TNR: variants seen among roughly 807,000 people sequenced by gnomAD.
TNR encodes the protein tenascin R.
In TNR, 45 loss-of-function variants were observed where a neutral mutation model predicts 150.4. The ratio of observed to expected loss-of-function variants is 0.30; its 90% CI spans 0.24 to 0.38. The LOEUF is 0.38. Ranked by LOEUF, TNR falls within the 10% of genes least tolerant of loss-of-function variation. The pLI, the probability that TNR is intolerant of heterozygous loss-of-function variation, is 1.00. For synonymous variants in TNR, 687 were observed against 678.4 expected (o/e 1.01, Z -0.20); for missense variants, 1,544 against 1,759.1 (o/e 0.88, Z 2.19).
At chr1:175,729,686 T>G (rs973408355) in intron 1 of TNR, among the ~76,000 whole-genome samples, 6 of 152,174 alleles carry the variant, frequency 3.9e-5, no homozygotes, top group African/African-American at 1.4e-4. Flanking sequence ...AATCTCTATA[T>G]TACCAATTTG....
At chr1:175,724,370 A>G (rs750227613) in intron 1 of TNR, among the ~76,000 whole-genome samples, 7 of 152,176 alleles carry the variant, frequency 4.6e-5, no homozygotes, top group Admixed American at 6.5e-5. Context: ...GGTGCTACAT[A>G]CTTCTAAACA....
At chr1:175,571,258 TTCTC>T (rs1315699804) in intron 1 of TNR, among the ~76,000 whole-genome samples, 1 of 152,150 alleles carries the variant, frequency 6.6e-6, no homozygotes, top group Non-Finnish European at 1.5e-5. Flanking sequence ...CTCCTTCTCT[TTCTC>T]TCTCTTTTAG....
At chr1:175,391,554 C>T (rs859444) in intron 6 of TNR, 116 bp from the exon 7 acceptor site, 750,595 of 1,157,920 alleles carry the variant, frequency 0.65, 246,169 homozygotes, top group East Asian at 0.83. Flanking sequence ...AAAATGGGGG[C>T]GATGTCTCTT....
chr1:175,406,296 C>G lies in TNR; in HGVS notation c.419G>C (p.Arg140Pro). 1.2e-6 allele frequency: 2 copies of G among 1,614,150 alleles called. No individual in the cohort carries two copies. The highest frequency in any genetic ancestry group is 1.7e-6 in the Non-Finnish European group (2 of 1,180,018). ...SAQVLQELLSRIEMLEREVSV... is the reference protein window; with the variant it reads ...SAQVLQELLSPIEMLEREVSV... ...CACCTCCCTCTCCAGCATCTCGATCCGGCTCAGCAGCTCCTGCAGCACCTG... is the reference window on the plus strand; with the variant it reads ...CACCTCCCTCTCCAGCATCTCGATCGGGCTCAGCAGCTCCTGCAGCACCTG... Residue 140 changes from arginine (R) to proline (P), a missense_variant, in exon 3 of 23, where the codon CGG (arginine) becomes CCG (proline). Transcript: ENST00000367674.
chr1:175,464,414 C>T (rs1196444216), intron 2 of TNR, among the ~76,000 whole-genome samples: 1 of 152,174 alleles, frequency 6.6e-6, no homozygotes, highest in East Asian at 1.9e-4. Context: ...CTATAAGACA[C>T]TGCCAGCTCC....
At chr1:175,614,162 A>G (rs1663690336) in intron 1 of TNR, among the ~76,000 whole-genome samples, 1 of 152,212 alleles carries the variant, frequency 6.6e-6, no homozygotes, top group African/African-American at 2.4e-5. Context: ...TTTTCTTATT[A>G]AAGAACTGAG....
At chr1:175,638,703 A>G (rs766872541) in intron 1 of TNR, among the ~76,000 whole-genome samples, 16 of 152,174 alleles carry the variant, frequency 1.1e-4, no homozygotes, top group Admixed American at 2.0e-4. Context: ...GATCCCTCCC[A>G]TGATGATTGG....
intron 1 of TNR, among the ~76,000 whole-genome samples, chr1:175,672,014 A>G (rs1461860257): frequency 6.6e-5 from 10 of 151,856 alleles, no homozygotes; most frequent in Non-Finnish European, 1.5e-4. Context: ...TCAACACACT[A>G]GTTGGCTCAT....
chr1:175,374,651 T>C (rs1178836278), intron 9 of TNR, among the ~76,000 whole-genome samples: 1 of 152,188 alleles, frequency 6.6e-6, no homozygotes, highest in African/African-American at 2.4e-5. Flanking sequence ...CTGTAAAGCT[T>C]CTGGATTTCC....
rs71645248 is a variant in TNR, at chr1:175,429,080, T to C, written c.-63-22303A>G. ...CTCAGTCCTCAGAAGGATATTTTCA[T>C]GGTGCTCTAGAATATTCTATGATAT... On this transcript the variant is annotated intron_variant, in intron 2 of 22. Transcript: ENST00000367674. 7.3e-3 allele frequency among the ~76,000 whole-genome samples: 1,117 copies of C among 152,284 alleles called. 7 individuals carry two copies. Among genetic ancestry groups the C allele is most frequent in the Middle Eastern group, 0.014 (4 of 294 alleles).
At chr1:175,695,015 T>C (rs1666470806) in intron 1 of TNR, among the ~76,000 whole-genome samples, 1 of 152,188 alleles carries the variant, frequency 6.6e-6, no homozygotes, top group South Asian at 2.1e-4. Context: ...TTAAAATATG[T>C]CCATGAATTT....
chr1:175,601,423 T>C (rs995511601), intron 1 of TNR, among the ~76,000 whole-genome samples: 9 of 152,246 alleles, frequency 5.9e-5, no homozygotes, highest in Non-Finnish European at 1.5e-5. Flanking sequence ...CTAGTCATCA[T>C]GGCAGAAGAG....
At chr1:175,350,649 T>C (rs941453072) in intron 18 of TNR, among the ~76,000 whole-genome samples, 1 of 152,248 alleles carries the variant, frequency 6.6e-6, no homozygotes, top group Admixed American at 6.5e-5. Context: ...AATGGACTTA[T>C]GTTATGTGGC....
At chr1:175,425,645 C>A (rs1654935402) in intron 2 of TNR, among the ~76,000 whole-genome samples, 1 of 152,174 alleles carries the variant, frequency 6.6e-6, no homozygotes, top group Non-Finnish European at 1.5e-5. Context: ...CACCACTGAG[C>A]AGGGTAAAAT....
chr1:175,331,053 CTTT>C (rs1557867656), intron 20 of TNR, among the ~76,000 whole-genome samples: 10 of 113,312 alleles, frequency 8.8e-5, no homozygotes, highest in African/African-American at 2.7e-4. Context: ...TTCTTTCTTT[CTTT>C]CTTTCTTTCT....
intron 2 of TNR, among the ~76,000 whole-genome samples, chr1:175,490,585 A>G (rs1257213349): frequency 3.3e-5 from 5 of 152,350 alleles, no homozygotes; most frequent in African/African-American, 1.2e-4. Context: ...TTCTCAAATG[A>G]AGACATTCAT....
chr1:175,671,291 C>T (rs1665689968), intron 1 of TNR, among the ~76,000 whole-genome samples: 1 of 152,194 alleles, frequency 6.6e-6, no homozygotes, highest in Admixed American at 6.5e-5. Flanking sequence ...GCTCAGTTCT[C>T]AGGAGCCAGG....
At chr1:175,594,621 G>A (rs964483870) in intron 1 of TNR, among the ~76,000 whole-genome samples, 1 of 152,142 alleles carries the variant, frequency 6.6e-6, no homozygotes, top group Non-Finnish European at 1.5e-5. Flanking sequence ...TTGGGAGACT[G>A]AAGCGGGCCA....
chr1:175,379,011 C>T (rs1453479703), intron 9 of TNR, among the ~76,000 whole-genome samples: 1 of 152,122 alleles, frequency 6.6e-6, no homozygotes, highest in Non-Finnish European at 1.5e-5. Flanking sequence ...GAAACCCTGT[C>T]TCTACTAAAA....
Sources: gnomAD v4.1 joint callset for allele counts (sites outside exome capture counted in the v4.1 genomes callset) on GRCh38, gnomAD v4.1.1 for gene constraint, MANE v1.5 for transcripts, NCBI Gene and HGNC (gene_info 2026-07-23, HGNC 2026-07-21) for gene names.